TOGARAM2: variants seen among roughly 807,000 people sequenced by gnomAD.
TOGARAM2 encodes the protein TOG array regulator of axonemal microtubules protein 2.
TOGARAM2 carries 85 observed loss-of-function variants against 93.3 expected under a neutral mutation model. The observed-to-expected ratio is 0.91, with a 90% CI of 0.76 to 1.09. The LOEUF is 1.09. TOGARAM2 is among the 50% of genes least tolerant of loss of function. The probability of loss-of-function intolerance (pLI) is 0.00; values close to 1 mark genes in which losing one functional copy is unlikely to be tolerated. For synonymous variants in TOGARAM2, 593 were observed against 552.8 expected (o/e 1.07, Z -1.02); for missense variants, 1,277 against 1,334.5 (o/e 0.96, Z 0.67).
intron 6 of TOGARAM2, among the ~76,000 whole-genome samples, chr2:29,009,078 G>C (rs1448042609): frequency 6.6e-6 from 1 of 152,226 alleles, no homozygotes; most frequent in Non-Finnish European, 1.5e-5. Flanking sequence ...GCTCCAGCCA[G>C]GAAGTCATCA....
intron 14 of TOGARAM2, 137 bp downstream of exon 14, chr2:29,027,148 T>G: frequency 2.1e-6 from 2 of 939,398 alleles, no homozygotes; most frequent in Middle Eastern, 3.4e-4. Flanking sequence ...GTCCTTTCCT[T>G]TCAGCTCTTG....
chr2:29,022,997 T>G, intron 11 of TOGARAM2, 89 bp from the exon 12 acceptor site: 3 of 1,019,148 alleles, frequency 2.9e-6, no homozygotes, highest in Non-Finnish European at 3.0e-6. Flanking sequence ...TGGACCGTGA[T>G]GGTGTGTGAT....
Position 29,022,120 on chromosome 2 carries a change from G to C in TOGARAM2, c.1361-38G>C, listed in dbSNP as rs747826886. 3.1e-6 allele frequency: 5 copies of C among 1,613,268 alleles called. No homozygotes were observed. The South Asian group carries it at 5.5e-5, about 18-fold the overall frequency. ...GGCCACTCGGGCTCTTGCCTGTCCT[G>C]CTGCGTGAAGCCTGCTGTTTCTTTC... On this transcript the variant is annotated intron_variant, in intron 10 of 19. Transcript: ENST00000379558.
At chr2:28,995,641 C>T (rs1260878467) in intron 2 of TOGARAM2, among the ~76,000 whole-genome samples, 1 of 152,252 alleles carries the variant, frequency 6.6e-6, no homozygotes, top group East Asian at 1.9e-4. Context: ...GAAAAATCTA[C>T]AAATCTAGAA....
chr2:28,961,417 C>T (rs1243665075), intron 1 of TOGARAM2, among the ~76,000 whole-genome samples: 1 of 152,162 alleles, frequency 6.6e-6, no homozygotes, highest in Non-Finnish European at 1.5e-5. Context: ...ACTCGGCTCA[C>T]AGCAACCTCC....
Position 29,035,517 on chromosome 2 carries a change from G to T in TOGARAM2, c.2279G>T (p.Arg760Leu), listed in dbSNP as rs570135994. The T allele has an allele frequency of 1.3e-6, 2 of 1,555,730 alleles. No homozygotes were observed. Among genetic ancestry groups the T allele is most frequent in the Non-Finnish European group, 1.7e-6 (2 of 1,150,672 alleles). Residue 760 changes from arginine (R) to leucine (L), a missense_variant, in exon 17 of 20, where the codon CGC becomes CTC. Transcript: ENST00000379558. The part of the protein sequence containing the change: ...LVGLRSTLQG[R>L]GEMVEQLREL... ...GGGCTGCGCTCCACACTGCAGGGCC[G>T]CGGGGAGATGGTGGAGCAGCTACGG...
At chr2:28,989,519 C>A (rs1213224366) in intron 1 of TOGARAM2, among the ~76,000 whole-genome samples, 1 of 152,154 alleles carries the variant, frequency 6.6e-6, no homozygotes, top group African/African-American at 2.4e-5. Flanking sequence ...TGCCTCAGCA[C>A]CCCCAAGTAA....
At chr2:29,041,763 G>A (rs954546429) in intron 18 of TOGARAM2, among the ~76,000 whole-genome samples, 1 of 152,156 alleles carries the variant, frequency 6.6e-6, no homozygotes, top group African/African-American at 2.4e-5. Flanking sequence ...CAGAAAAGGA[G>A]CCTAGGAAAG....
intron 1 of TOGARAM2, among the ~76,000 whole-genome samples, chr2:28,973,347 C>T (rs1671974764): frequency 6.7e-6 from 1 of 148,732 alleles, no homozygotes; most frequent in Non-Finnish European, 1.5e-5. Context: ...CCCTCCCTTC[C>T]TTCCCTTCCT....
In TOGARAM2 at chr2:29,001,206, T is replaced by G. The variant is rs191110627; in HGVS notation, c.428-1330T>G. Among the ~76,000 whole-genome samples, 288 of 152,268 alleles carry G rather than the reference T, an allele frequency of 1.9e-3. 2 individuals are homozygous for G. Among genetic ancestry groups the G allele is most frequent in the African/African-American group, 5.9e-3 (247 of 41,542 alleles). ...TCTCCACTTGACCACACCCCTTCTT[T>G]TCCATCCTTTCAGCTCCCCACAGGC... On this transcript the variant is annotated intron_variant, in intron 4 of 19. Transcript: ENST00000379558.
chr2:29,018,116 A>G, intron 10 of TOGARAM2, 160 bp downstream of exon 10: 3 of 762,924 alleles, frequency 3.9e-6, no homozygotes, highest in Non-Finnish European at 6.1e-6. Context: ...CCAGAGAGAG[A>G]AACAGTGTCA....
At chr2:28,968,447 C>T (rs927050819) in intron 1 of TOGARAM2, among the ~76,000 whole-genome samples, 2 of 151,996 alleles carry the variant, frequency 1.3e-5, no homozygotes, top group South Asian at 2.1e-4. Flanking sequence ...CTCCCCGCAG[C>T]GGAGGTTGTC....
At chr2:28,995,153 G>A (rs1205677268) in intron 2 of TOGARAM2, among the ~76,000 whole-genome samples, 2 of 152,222 alleles carry the variant, frequency 1.3e-5, no homozygotes, top group African/African-American at 2.4e-5. Flanking sequence ...GGCTAATTCT[G>A]TTCTGTGGTC....
At chr2:29,003,776 T>A in intron 6 of TOGARAM2, 94 bp downstream of exon 6, 1 of 1,190,730 alleles carries the variant, frequency 8.4e-7, no homozygotes, top group Non-Finnish European at 1.1e-6. Flanking sequence ...CTCCATGCTG[T>A]GGCAGAGTTC....
In TOGARAM2 at chr2:29,051,792, C is replaced by A; in HGVS notation, c.2759C>A (p.Ala920Asp). 1 of 1,545,880 alleles carries A rather than the reference C, an allele frequency of 6.5e-7. No individual in the cohort carries two copies. The highest frequency in any genetic ancestry group is 2.4e-5 in the East Asian group (1 of 40,940). The change falls in exon 20 of 20, where the codon GCT (alanine) becomes GAT (aspartate). Residue 920 changes from alanine (A) to aspartate (D), a missense_variant. Ala to Asp is a moderately radical substitution (Grantham distance 126, BLOSUM62 -2). Coordinates refer to ENST00000379558, the MANE Select transcript of TOGARAM2 (RefSeq NM_199280.4). ...TCAGTTTACCCCCGGAAGCCTCAAG[C>A]TGTAGAGCGGCATGTCCTTCCCATC... Reference protein sequence around the residue: ...VASVYPRKPQAVERHVLPILW... With the variant: ...VASVYPRKPQDVERHVLPILW...
intron 6 of TOGARAM2, among the ~76,000 whole-genome samples, chr2:29,005,001 TGTGC>T (rs1558421243): frequency 3.8e-5 from 2 of 53,102 alleles, no homozygotes; most frequent in African/African-American, 1.0e-4. Context: ...AGTGCATGTG[TGTGC>T]ATGTGTATGT....
chr2:28,974,891 A>T (rs1212658695), intron 1 of TOGARAM2, among the ~76,000 whole-genome samples: 3 of 151,928 alleles, frequency 2.0e-5, no homozygotes, highest in Non-Finnish European at 4.4e-5. Flanking sequence ...TTGGCCTCCC[A>T]AATTGTTGGG....
At chr2:29,020,167 G>A (rs1461653732) in intron 10 of TOGARAM2, among the ~76,000 whole-genome samples, 1 of 151,874 alleles carries the variant, frequency 6.6e-6, no homozygotes, top group East Asian at 1.9e-4. Flanking sequence ...GGCTCTAGCG[G>A]TGGGAAGAGC....
intron 1 of TOGARAM2, among the ~76,000 whole-genome samples, chr2:28,963,801 A>G (rs925979666): frequency 6.6e-6 from 1 of 152,204 alleles, no homozygotes; most frequent in African/African-American, 2.4e-5. Context: ...TGAGGTCAAG[A>G]GTTCAAGACC....
Sources: allele counts gnomAD v4.1 joint callset (sites outside exome capture counted in the v4.1 genomes callset), GRCh38; gene constraint gnomAD v4.1.1; transcripts MANE v1.5; gene names NCBI Gene and HGNC (gene_info 2026-07-23, HGNC 2026-07-21).